The following RARB variants were observed in gnomAD, a reference collection of about 807,000 sequenced individuals.
The protein encoded by RARB is retinoic acid receptor beta.
In RARB, 17 loss-of-function variants were observed where a neutral mutation model predicts 51.9. That is an observed-to-expected ratio of 0.33 (90% CI 0.22 to 0.49). RARB has a LOEUF of 0.49. Among genes scored for constraint, RARB ranks in the 20% least tolerant of loss-of-function variants. The probability of loss-of-function intolerance (pLI) is 0.99; values close to 1 mark genes in which losing one functional copy is unlikely to be tolerated. For missense variants in RARB, 369 were observed against 550.8 expected (o/e 0.67, Z 3.30); for synonymous variants, 215 against 195.4 (o/e 1.10, Z -0.84).
At chr3:25,141,787 T>C (rs911619216) in intron 4 of RARB, among the ~76,000 whole-genome samples, 2 of 152,232 alleles carry the variant, frequency 1.3e-5, no homozygotes, top group African/African-American at 4.8e-5. Flanking sequence ...TTGGTAAATC[T>C]AGATTTTAAT....
intron 2 of RARB, among the ~76,000 whole-genome samples, chr3:25,469,450 A>G (rs1477181402): frequency 6.6e-6 from 1 of 152,204 alleles, no homozygotes; most frequent in Non-Finnish European, 1.5e-5. Flanking sequence ...CAAAGAACAA[A>G]ATAACATATC....
intron 5 of RARB, among the ~76,000 whole-genome samples, chr3:25,212,633 T>A (rs1004964902): frequency 6.6e-6 from 1 of 152,074 alleles, no homozygotes; most frequent in Non-Finnish European, 1.5e-5. Flanking sequence ...AAAAAAGAAG[T>A]GAATCTCATT....
At chr3:24,894,782 T>C (rs565848001) in intron 2 of RARB, among the ~76,000 whole-genome samples, 4 of 152,308 alleles carry the variant, frequency 2.6e-5, no homozygotes, top group African/African-American at 7.2e-5. Flanking sequence ...ATTATGTGTT[T>C]AGGGGTCAGA....
At chr3:25,448,102 T>C (rs1709029024) in intron 1 of RARB, among the ~76,000 whole-genome samples, 1 of 151,958 alleles carries the variant, frequency 6.6e-6, no homozygotes, top group Non-Finnish European at 1.5e-5. Context: ...TTAAGTAACT[T>C]TCCAAAAGTC....
chr3:25,145,534 C>T (rs1327755239), intron 4 of RARB, among the ~76,000 whole-genome samples: 1 of 152,088 alleles, frequency 6.6e-6, no homozygotes, highest in African/African-American at 2.4e-5. Context: ...CAGTTCAGCA[C>T]TCACCATTTT....
At chr3:24,918,930 G>A (rs184926610) in intron 2 of RARB, among the ~76,000 whole-genome samples, 107 of 152,220 alleles carry the variant, frequency 7.0e-4, no homozygotes, top group African/African-American at 2.6e-3. Flanking sequence ...AACTTAGACT[G>A]ATAGAAGTCA....
intron 5 of RARB, among the ~76,000 whole-genome samples, chr3:25,269,269 C>G (rs79404771): frequency 1.3e-5 from 2 of 152,094 alleles, no homozygotes; most frequent in Non-Finnish European, 2.9e-5. Flanking sequence ...CTTAAGTATT[C>G]TGAAATGAAA....
At chr3:24,836,232 A>G (rs1463443898) in intron 1 of RARB, among the ~76,000 whole-genome samples, 4 of 152,188 alleles carry the variant, frequency 2.6e-5, no homozygotes, top group Admixed American at 2.6e-4. Context: ...AATGGAGGCA[A>G]TTGGAATTAG....
chr3:25,578,831 C>A (rs1400496299), intron 4 of RARB, among the ~76,000 whole-genome samples: 1 of 152,244 alleles, frequency 6.6e-6, no homozygotes, highest in Non-Finnish European at 1.5e-5. Flanking sequence ...GTTTTATTCA[C>A]TTCCTGTAGA....
rs979186048 is a variant in RARB at position 25,447,031 on chromosome 3, T to C, written c.158-14162T>C. Among the ~76,000 whole-genome samples, 13 of 151,050 alleles carry C rather than the reference T, an allele frequency of 8.6e-5. No individual in the cohort carries two copies. In the East Asian group the frequency reaches 2.3e-3, roughly 27 times the overall value. On this transcript the variant is annotated intron_variant, in intron 1 of 7. Transcript: ENST00000330688. ...GATTTAAAAAAAGAAAAAAAAAAAC[T>C]GATCGTGTTAATAATCCTTGCTCTT... is the stretch of plus-strand genomic sequence containing the variant.
At chr3:25,485,753 G>A in intron 2 of RARB, among the ~76,000 whole-genome samples, 1 of 152,120 alleles carries the variant, frequency 6.6e-6, no homozygotes, top group Non-Finnish European at 1.5e-5. Context: ...AAAGCAGATG[G>A]AAAGGAAAGC....
chr3:24,919,739 T>A (rs757117039), intron 2 of RARB, among the ~76,000 whole-genome samples: 1 of 152,230 alleles, frequency 6.6e-6, no homozygotes, highest in Non-Finnish European at 1.5e-5. Flanking sequence ...TTCTAATTCC[T>A]TATCTGACTT....
chr3:25,562,352 C>G (rs1483451187), intron 3 of RARB, among the ~76,000 whole-genome samples: 1 of 151,986 alleles, frequency 6.6e-6, no homozygotes, highest in East Asian at 1.9e-4. Flanking sequence ...TCTTTAATTT[C>G]CTTTTTTTAA....
At chr3:25,289,419 C>G (rs1703735205) in intron 5 of RARB, among the ~76,000 whole-genome samples, 1 of 152,162 alleles carries the variant, frequency 6.6e-6, no homozygotes, top group Non-Finnish European at 1.5e-5. Context: ...ACAAAGAGTT[C>G]CCTTTTCCAA....
rs1356979652 is a variant in RARB, at chr3:25,509,824, C to A, written c.448+8501C>A. On this transcript the variant is annotated intron_variant, in intron 3 of 7. Transcript: ENST00000330688. The stretch of plus-strand genomic sequence containing the variant: ...TCGCCACAGAGACAAAGTTGCCCTT[C>A]CCCTTCCCCGTCCTCCCAGCAGCTG... Among the ~76,000 whole-genome samples the A allele has an allele frequency of 2.0e-5, 3 of 152,314 alleles. No homozygotes were observed. The East Asian group carries it at 5.8e-4, about 29-fold the overall frequency.
At chr3:24,904,633 A>G (rs1411926190) in intron 2 of RARB, among the ~76,000 whole-genome samples, 2 of 152,188 alleles carry the variant, frequency 1.3e-5, no homozygotes, top group Admixed American at 1.3e-4. Flanking sequence ...AACTAGAAAT[A>G]TCATTTGACC....
chr3:24,984,857 T>C (rs1157940714), intron 2 of RARB, among the ~76,000 whole-genome samples: 1 of 152,222 alleles, frequency 6.6e-6, no homozygotes, highest in Non-Finnish European at 1.5e-5. Context: ...ATAACATCTT[T>C]AGCTCAGTGA....
At chr3:25,268,715 C>A (rs1178571798) in intron 5 of RARB, among the ~76,000 whole-genome samples, 1 of 152,152 alleles carries the variant, frequency 6.6e-6, no homozygotes, top group Non-Finnish European at 1.5e-5. Flanking sequence ...TTTCTCATTT[C>A]ATTTTGGTTT....
chr3:25,283,047 C>T lies in RARB; in HGVS notation c.178+108472C>T, dbSNP rs370695459. Among the ~76,000 whole-genome samples, 12 of 152,152 alleles carry T rather than the reference C, an allele frequency of 7.9e-5. 1 individual carries two copies. Among genetic ancestry groups the T allele is most frequent in the African/African-American group, 1.9e-4 (8 of 41,436 alleles). ...CCCTTTTCGGATGAGCAACTGGCCACGCAGAGTGGTTATGTAGCTGGCTGT... is the reference window on the plus strand; with the variant it reads ...CCCTTTTCGGATGAGCAACTGGCCATGCAGAGTGGTTATGTAGCTGGCTGT... On this transcript the variant is annotated intron_variant, in intron 5 of 11. Coordinates refer to the RARB transcript ENST00000383772.
Sources: allele counts gnomAD v4.1 joint callset (sites outside exome capture counted in the v4.1 genomes callset), GRCh38; gene constraint gnomAD v4.1.1; transcripts MANE v1.5; gene names NCBI Gene and HGNC (gene_info 2026-07-23, HGNC 2026-07-21).